The following ZFAT variants were observed in gnomAD, a reference collection of about 807,000 sequenced individuals.
The protein encoded by ZFAT is zinc finger protein ZFAT.
ZFAT carries 64 observed loss-of-function variants against 117.7 expected under a neutral mutation model. The observed-to-expected ratio is 0.54, with a 90% CI of 0.44 to 0.67. The LOEUF (loss-of-function observed/expected upper bound fraction) is 0.67. ZFAT is among the 30% of genes least tolerant of loss of function. The pLI, the probability that ZFAT is intolerant of heterozygous loss-of-function variation, is 0.00. For missense variants in ZFAT, 1,433 were observed against 1,584.5 expected (o/e 0.90, Z 1.62); for synonymous variants, 679 against 615.0 (o/e 1.10, Z -1.54).
At chr8:134,760,273 G>GAAAAAAAAAAAAAAAA in the ZFAT span, among the ~76,000 whole-genome samples, 1 of 128,750 alleles carries the variant, frequency 7.8e-6, no homozygotes. Context: ...GTCTCAAAAA[G>GAAAAAAAAAAAAAAAA]AAAAAAAAAA....
chr8:134,547,718 C>T (rs890182368), intron 11 of ZFAT, among the ~76,000 whole-genome samples: 21 of 152,178 alleles, frequency 1.4e-4, no homozygotes, highest in Non-Finnish European at 2.8e-4. Context: ...GAAAACAATA[C>T]ACTTACAGAT....
chr8:134,650,184 G>T (rs1417588787), intron 2 of ZFAT, among the ~76,000 whole-genome samples: 4 of 148,752 alleles, frequency 2.7e-5, no homozygotes, highest in African/African-American at 9.9e-5. Context: ...GTGTAGTGGT[G>T]CCATCTTGGC....
chr8:134,828,368 T>C, the ZFAT span, among the ~76,000 whole-genome samples: 1 of 152,250 alleles, frequency 6.6e-6, no homozygotes, highest in African/African-American at 2.4e-5. Context: ...ATTAAAATAA[T>C]TTCTTGCTTT....
chr8:134,608,526 C>A (rs1473304194), intron 5 of ZFAT, among the ~76,000 whole-genome samples: 1 of 152,222 alleles, frequency 6.6e-6, no homozygotes, highest in African/African-American at 2.4e-5. Flanking sequence ...ACATGCTACT[C>A]TGCAACACAC....
the ZFAT span, among the ~76,000 whole-genome samples, chr8:134,751,147 G>A: frequency 1.3e-5 from 2 of 152,156 alleles, no homozygotes; most frequent in African/African-American, 4.8e-5. Context: ...TGGGTGGATG[G>A]GACCTGAAAT....
the ZFAT span, among the ~76,000 whole-genome samples, chr8:134,739,843 G>C: frequency 6.6e-6 from 1 of 152,218 alleles, no homozygotes; most frequent in African/African-American, 2.4e-5. Flanking sequence ...CTTGCCTGGG[G>C]GCTTTCTCTG....
intron 10 of ZFAT, among the ~76,000 whole-genome samples, chr8:134,578,718 G>T (rs1468201206): frequency 6.6e-6 from 1 of 152,174 alleles, no homozygotes; most frequent in Non-Finnish European, 1.5e-5. Context: ...ACAGTGGCCA[G>T]TACAAAAAGG....
chr8:134,511,690 T>G (rs1376254157), intron 14 of ZFAT, among the ~76,000 whole-genome samples: 2 of 152,204 alleles, frequency 1.3e-5, no homozygotes, highest in Non-Finnish European at 2.9e-5. Context: ...TATGAAACAT[T>G]AACTTGTGTT....
intron 1 of ZFAT, among the ~76,000 whole-genome samples, chr8:134,697,254 CG>C (rs1833887803): frequency 6.6e-6 from 1 of 151,986 alleles, no homozygotes; most frequent in South Asian, 2.1e-4. Flanking sequence ...CCTGGGATTA[CG>C]GGCACCCGCC....
At chr8:134,541,484 G>A (rs1015231683) in intron 11 of ZFAT, among the ~76,000 whole-genome samples, 10 of 152,176 alleles carry the variant, frequency 6.6e-5, no homozygotes, top group African/African-American at 2.4e-4. Context: ...CCAGAACTGT[G>A]AGAAATAAGT....
chr8:134,616,818 G>A (rs1239976119), intron 3 of ZFAT, among the ~76,000 whole-genome samples: 1 of 152,156 alleles, frequency 6.6e-6, no homozygotes, highest in Non-Finnish European at 1.5e-5. Flanking sequence ...AGTCAGAGAG[G>A]CTGGGTTAGG....
At position 134,669,354 on chromosome 8, in the gene ZFAT, A is replaced by G. The variant is rs938341040; in HGVS notation, c.20-11617T>C. Among the ~76,000 whole-genome samples, 8 of 152,336 alleles carry G rather than the reference A, an allele frequency of 5.3e-5. No homozygotes were observed. The East Asian group carries it at 1.5e-3, about 29-fold the overall frequency. On this transcript the variant is annotated intron_variant, in intron 1 of 15. Transcript: ENST00000377838. ...AAAATGTTAAGGGCACCCAGACAGA[A>G]AAGTCGGGTTACCCACAAAGGGAAG...
intron 11 of ZFAT, among the ~76,000 whole-genome samples, chr8:134,558,181 G>A (rs1415795635): frequency 6.6e-6 from 1 of 152,192 alleles, no homozygotes; most frequent in East Asian, 1.9e-4. Flanking sequence ...GTGGCAAGAG[G>A]CCAGAGTTTC....
the ZFAT span, chr8:134,794,355 A>G: frequency 2.0e-5 from 3 of 152,262 alleles, no homozygotes; most frequent in Non-Finnish European, 2.9e-5. Flanking sequence ...CCTGTTACAC[A>G]TGGACATACA....
At chr8:134,773,326 A>G in the ZFAT span, among the ~76,000 whole-genome samples, 1 of 152,218 alleles carries the variant, frequency 6.6e-6, no homozygotes, top group Non-Finnish European at 1.5e-5. Context: ...TTTTAAGCCC[A>G]GTGTTGAGAC....
At chr8:134,630,629 A>G (rs985133975) in intron 3 of ZFAT, among the ~76,000 whole-genome samples, 1 of 152,242 alleles carries the variant, frequency 6.6e-6, no homozygotes, top group Non-Finnish European at 1.5e-5. Flanking sequence ...AAAGTTCAGA[A>G]GTCACTTTTA....
intron 7 of ZFAT, among the ~76,000 whole-genome samples, chr8:134,590,671 AACCAACACCACCACC>A (rs1826416166): frequency 6.9e-6 from 1 of 144,708 alleles, no homozygotes; most frequent in Admixed American, 7.0e-5. Context: ...ACACCACCAC[AACCAACACCACCACC>A]ACCAACAACA....
At chr8:134,560,425 C>T (rs190448192) in intron 11 of ZFAT, among the ~76,000 whole-genome samples, 39 of 152,286 alleles carry the variant, frequency 2.6e-4, no homozygotes, top group Non-Finnish European at 4.9e-4. Flanking sequence ...AAATGAGTGT[C>T]CCTTTTAAAT....
chr8:134,822,486 A>C, the ZFAT span, among the ~76,000 whole-genome samples: 2 of 152,118 alleles, frequency 1.3e-5, no homozygotes, highest in East Asian at 3.8e-4. Context: ...AGCTTGCATA[A>C]AAAACACTAA....
Sources: gnomAD v4.1 joint callset for allele counts (sites outside exome capture counted in the v4.1 genomes callset) on GRCh38, gnomAD v4.1.1 for gene constraint, MANE v1.5 for transcripts, NCBI Gene and HGNC (gene_info 2026-07-23, HGNC 2026-07-21) for gene names.